Variants in IDE observed in about 807,000 individuals in gnomAD.
The protein encoded by IDE is insulin-degrading enzyme.
Under a neutral mutation model 133.2 loss-of-function variants are expected in IDE, and 58 were observed. The ratio of observed to expected loss-of-function variants is 0.44; its 90% CI spans 0.35 to 0.54. The LOEUF is 0.54. IDE is among the 20% of genes least tolerant of loss of function. The pLI is 0.00. For missense variants in IDE, 981 were observed against 1,234.0 expected, an observed-to-expected ratio of 0.79 and a Z score of 3.07; for synonymous variants, 396 against 421.3, an observed-to-expected ratio of 0.94 and a Z score of 0.73.
chr10:92,459,155 T>C (rs1324361088), intron 22 of IDE, among the ~76,000 whole-genome samples: 1 of 152,218 alleles, frequency 6.6e-6, no homozygotes, highest in East Asian at 1.9e-4. Flanking sequence ...CTTGTTTGCA[T>C]ACAGCCTTAA....
At chr10:92,463,585 T>C in intron 21 of IDE, 146 bp downstream of exon 21, 1 of 715,458 alleles carries the variant, frequency 1.4e-6, no homozygotes, top group Non-Finnish European at 2.4e-6. Context: ...AAGTAACAGT[T>C]CTTTGGAAGT....
At chr10:92,483,076 G>A (rs145761360) in intron 14 of IDE, among the ~76,000 whole-genome samples, 179 bp downstream of exon 14, 2,939 of 152,226 alleles carry the variant, frequency 0.019, 45 homozygotes, top group Admixed American at 0.052. Context: ...CACCGTGCCC[G>A]GCCAACCTCT....
intron 1 of IDE, among the ~76,000 whole-genome samples, chr10:92,544,107 C>T (rs1842428700): frequency 6.6e-6 from 1 of 152,096 alleles, no homozygotes; most frequent in African/African-American, 2.4e-5. Context: ...ATGGCGCATG[C>T]CTGTAATCCC....
chr10:92,507,517 A>T (rs538155860), intron 9 of IDE, 58 bp downstream of exon 9: 10 of 848,764 alleles, frequency 1.2e-5, no homozygotes, highest in Non-Finnish European at 2.0e-6. Flanking sequence ...ATTAATTCAC[A>T]TGTATTTGCT....
At chr10:92,466,137 G>A (rs1003370761) in intron 19 of IDE, among the ~76,000 whole-genome samples, 1 of 151,174 alleles carries the variant, frequency 6.6e-6, no homozygotes, top group African/African-American at 2.4e-5. Context: ...AGGCTGAGGC[G>A]GGAGGATCAC....
intron 1 of IDE, among the ~76,000 whole-genome samples, chr10:92,573,532 G>C (rs192431923): frequency 1.1e-4 from 16 of 152,152 alleles, no homozygotes; most frequent in African/African-American, 3.9e-4. Flanking sequence ...CCCACGGCTC[G>C]AGTCCGCCTC....
intron 1 of IDE, among the ~76,000 whole-genome samples, chr10:92,564,876 G>GT (rs904254366): frequency 3.0e-4 from 45 of 151,830 alleles, no homozygotes; most frequent in African/African-American, 1.1e-3. Flanking sequence ...CTGCAACACA[G>GT]TAAGACCCCA....
intron 1 of IDE, among the ~76,000 whole-genome samples, chr10:92,545,303 G>A (rs1282044937): frequency 6.6e-6 from 1 of 151,230 alleles, no homozygotes; most frequent in Non-Finnish European, 1.5e-5. Flanking sequence ...AAGGAAAGAG[G>A]AAAAAAATTA....
At chr10:92,468,783 T>C in intron 19 of IDE, 96 bp downstream of exon 19, 1 of 621,614 alleles carries the variant, frequency 1.6e-6, no homozygotes, top group Non-Finnish European at 2.9e-6. Flanking sequence ...CAAGTAAATC[T>C]TTGGCGTAAA....
chr10:92,510,700 A>G (rs1244988059), intron 5 of IDE, among the ~76,000 whole-genome samples: 1 of 151,558 alleles, frequency 6.6e-6, no homozygotes, highest in African/African-American at 2.4e-5. Flanking sequence ...CATACATCTC[A>G]CATATATGAT....
At chr10:92,479,715 G>T (rs1049147910) in intron 14 of IDE, 5 of 264,392 alleles carry the variant, frequency 1.9e-5, no homozygotes, top group Non-Finnish European at 2.2e-5. Context: ...GAACTGACAA[G>T]TTAGAAATGC....
Position 92,475,739 on chromosome 10 carries a change from A to G in IDE, c.1995+145T>C, listed in dbSNP as rs182591443. On this transcript the variant is annotated intron_variant, in intron 16 of 24. Coordinates refer to ENST00000265986, the MANE Select transcript of IDE (RefSeq NM_004969.4). ...TTCTGGATGGAGTATAGGATTTTGC[A>G]ATGACAAGGTGAGATGAATGCCACA... is the stretch of plus-strand genomic sequence containing the variant. 12 of 467,410 alleles carry G rather than the reference A, an allele frequency of 2.6e-5. No individual in the cohort carries two copies. In the Admixed American group the frequency reaches 5.1e-4, roughly 20 times the overall value. The allele number at this position is 467,410 out of a possible 1,614,324, so 29.0% of individuals were successfully genotyped here. A position where few individuals can be genotyped will look rare whatever the true frequency, so the allele number is the denominator to read the frequency against.
chr10:92,560,409 G>A (rs1186136223), intron 1 of IDE, among the ~76,000 whole-genome samples: 1 of 152,034 alleles, frequency 6.6e-6, no homozygotes, highest in Non-Finnish European at 1.5e-5. Context: ...TACACTCATC[G>A]TCTTCTTGAC....
chr10:92,551,456 T>C (rs888655987), intron 1 of IDE, among the ~76,000 whole-genome samples: 1 of 149,906 alleles, frequency 6.7e-6, no homozygotes, highest in Non-Finnish European at 1.5e-5. Flanking sequence ...TAGTCCCAGA[T>C]ACTCAGGAGG....
At chr10:92,503,763 G>C (rs1446564847) in intron 11 of IDE, among the ~76,000 whole-genome samples, 1 of 149,858 alleles carries the variant, frequency 6.7e-6, no homozygotes, top group African/African-American at 2.5e-5. Context: ...TTGTTGCCTA[G>C]GCTGGAGTGC....
At chr10:92,539,315 G>A (rs1047709410) in intron 1 of IDE, among the ~76,000 whole-genome samples, 13 of 151,778 alleles carry the variant, frequency 8.6e-5, no homozygotes, top group African/African-American at 3.1e-4. Flanking sequence ...AAATCACATA[G>A]TACTTTACAA....
At chr10:92,474,728 C>G (rs919670491) in intron 17 of IDE, 113 bp downstream of exon 17, 3 of 922,108 alleles carry the variant, frequency 3.3e-6, no homozygotes. Context: ...ACACAGCCAG[C>G]TTTAATAGAA....
chr10:92,487,079 A>T, intron 13 of IDE, 117 bp downstream of exon 13: 1 of 925,974 alleles, frequency 1.1e-6, no homozygotes, highest in Non-Finnish European at 1.6e-6. Context: ...TTTGTCACCT[A>T]TTAGGATGTG....
At chr10:92,515,884 C>A (rs1271015951) in intron 4 of IDE, among the ~76,000 whole-genome samples, 1 of 149,694 alleles carries the variant, frequency 6.7e-6, no homozygotes, top group Non-Finnish European at 1.5e-5. Context: ...AAAAATTATA[C>A]TTTTGGCCGG....
Sources: gnomAD v4.1 joint callset for allele counts (sites outside exome capture counted in the v4.1 genomes callset) on GRCh38, gnomAD v4.1.1 for gene constraint, MANE v1.5 for transcripts, NCBI Gene and HGNC (gene_info 2026-07-23, HGNC 2026-07-21) for gene names.